NKAIN2: variants seen among roughly 807,000 people sequenced by gnomAD.
The protein encoded by NKAIN2 is sodium/potassium-transporting ATPase subunit beta-1-interacting protein 2.
Under a neutral mutation model 32.6 loss-of-function variants are expected in NKAIN2, and 14 were observed. The observed-to-expected ratio is 0.43, with a 90% CI of 0.28 to 0.67. The LOEUF is 0.67. NKAIN2 is among the 30% of genes least tolerant of loss of function. The probability of loss-of-function intolerance (pLI) is 0.17; values close to 1 mark genes in which losing one functional copy is unlikely to be tolerated. For synonymous variants in NKAIN2, 80 were observed against 87.2 expected, an observed-to-expected ratio of 0.92 and a Z score of 0.46; for missense variants, 198 against 258.3, an observed-to-expected ratio of 0.77 and a Z score of 1.60.
chr6:124,659,779 T>C (rs1273904266), intron 4 of NKAIN2, among the ~76,000 whole-genome samples: 1 of 152,016 alleles, frequency 6.6e-6, no homozygotes, highest in Non-Finnish European at 1.5e-5. Flanking sequence ...CACAGTTCAT[T>C]GTGCGGAATT....
At chr6:124,643,373 C>CT (rs1784059799) in intron 3 of NKAIN2, among the ~76,000 whole-genome samples, 2 of 152,048 alleles carry the variant, frequency 1.3e-5, no homozygotes, top group South Asian at 4.2e-4. Context: ...TTAAAATTGT[C>CT]TTTTTTCCCC....
chr6:124,416,457 A>G (rs1373959337), intron 3 of NKAIN2, among the ~76,000 whole-genome samples: 1 of 152,108 alleles, frequency 6.6e-6, no homozygotes, highest in Non-Finnish European at 1.5e-5. Flanking sequence ...GCAACATAGC[A>G]AAACCCTGTC....
chr6:124,564,499 C>G (rs986575516), intron 3 of NKAIN2, among the ~76,000 whole-genome samples: 1 of 152,126 alleles, frequency 6.6e-6, no homozygotes, highest in East Asian at 1.9e-4. Flanking sequence ...CCCCCTCCCC[C>G]ACCAGCCAGC....
At chr6:124,724,948 T>G (rs1488735754) in intron 4 of NKAIN2, among the ~76,000 whole-genome samples, 1 of 152,228 alleles carries the variant, frequency 6.6e-6, no homozygotes, top group Non-Finnish European at 1.5e-5. Flanking sequence ...TAATCACTAT[T>G]TTATCCTCTT....
intron 1 of NKAIN2, among the ~76,000 whole-genome samples, chr6:123,893,191 A>T (rs892106467): frequency 1.3e-5 from 2 of 152,036 alleles, no homozygotes; most frequent in Non-Finnish European, 2.9e-5. Flanking sequence ...AAAGGAATGT[A>T]TAATATTATA....
At chr6:123,968,978 C>A (rs1174758336) in intron 1 of NKAIN2, among the ~76,000 whole-genome samples, 2 of 152,174 alleles carry the variant, frequency 1.3e-5, no homozygotes, top group Admixed American at 6.5e-5. Context: ...CATTTCTACT[C>A]TTCTGTAGTT....
At chr6:124,324,778 A>G (rs1583050535) in intron 2 of NKAIN2, among the ~76,000 whole-genome samples, 1 of 151,982 alleles carries the variant, frequency 6.6e-6, no homozygotes, top group Non-Finnish European at 1.5e-5. Flanking sequence ...TTAAATCATG[A>G]ATTAGTGCTG....
chr6:124,787,804 T>G (rs1779571214), intron 4 of NKAIN2, among the ~76,000 whole-genome samples: 1 of 152,070 alleles, frequency 6.6e-6, no homozygotes, highest in Non-Finnish European at 1.5e-5. Flanking sequence ...CCTAATCTGG[T>G]CTTCACAGCT....
chr6:123,806,594 TTA>T (rs1201666493), intron 1 of NKAIN2, among the ~76,000 whole-genome samples: 6 of 152,216 alleles, frequency 3.9e-5, no homozygotes, highest in Admixed American at 2.6e-4. Context: ...TAAAAACTTT[TTA>T]TGTCTTTGCG....
At chr6:124,285,826 AAT>A (rs1464818626) in intron 2 of NKAIN2, among the ~76,000 whole-genome samples, 2 of 152,206 alleles carry the variant, frequency 1.3e-5, no homozygotes, top group African/African-American at 4.8e-5. Flanking sequence ...ACACATATTT[AAT>A]ATGTTTTATG....
chr6:124,567,827 C>T (rs955132026), intron 3 of NKAIN2, among the ~76,000 whole-genome samples: 2 of 152,124 alleles, frequency 1.3e-5, no homozygotes, highest in Admixed American at 6.5e-5. Context: ...TCTTTTAAAA[C>T]ACAAAAACTT....
At chr6:124,690,489 G>C (rs1774203543) in intron 4 of NKAIN2, among the ~76,000 whole-genome samples, 1 of 152,088 alleles carries the variant, frequency 6.6e-6, no homozygotes. Context: ...AAGAAGTGTT[G>C]AAAGGGGACA....
intron 4 of NKAIN2, among the ~76,000 whole-genome samples, chr6:124,686,275 T>C (rs570534437): frequency 6.6e-6 from 1 of 152,184 alleles, no homozygotes; most frequent in African/African-American, 2.4e-5. Flanking sequence ...CTCTCGCTGC[T>C]ATAAGGAAAT....
chr6:124,133,605 T>A (rs1786584452), intron 1 of NKAIN2, among the ~76,000 whole-genome samples: 1 of 151,752 alleles, frequency 6.6e-6, no homozygotes, highest in East Asian at 1.9e-4. Context: ...AGAAAAAAAA[T>A]TAAATAAATA....
intron 4 of NKAIN2, among the ~76,000 whole-genome samples, chr6:124,691,135 T>C (rs974124926): frequency 2.0e-5 from 3 of 152,210 alleles, no homozygotes; most frequent in African/African-American, 7.2e-5. Flanking sequence ...ACACTGCTTT[T>C]ATTCCAAGCA....
intron 4 of NKAIN2, among the ~76,000 whole-genome samples, chr6:124,716,811 GTTTATAGTCATCTTCATATTATATAGTTT>G: frequency 4.6e-5 from 2 of 43,502 alleles, no homozygotes; most frequent in Admixed American, 4.1e-4. Context: ...AATTTTTCTT[GTTTATAGTCATCTTCATATTATATAGTTT>G]ACTAATTTTT....
intron 3 of NKAIN2, among the ~76,000 whole-genome samples, chr6:124,642,601 T>C (rs1784032791): frequency 6.6e-6 from 1 of 152,198 alleles, no homozygotes; most frequent in Admixed American, 6.5e-5. Context: ...TAAGAGTTCA[T>C]GAAAATACGT....
intron 3 of NKAIN2, among the ~76,000 whole-genome samples, chr6:124,506,990 A>G (rs1778511699): frequency 1.3e-5 from 2 of 152,174 alleles, no homozygotes; most frequent in Admixed American, 1.3e-4. Context: ...GCTCCAAGTG[A>G]CTCATGGGAA....
chr6:124,655,831 C>T (rs554000181), intron 3 of NKAIN2, among the ~76,000 whole-genome samples: 30 of 152,290 alleles, frequency 2.0e-4, no homozygotes, highest in Middle Eastern at 3.4e-3. Context: ...TAACCAAGTT[C>T]TAAGTCTCAG....
Sources: allele counts gnomAD v4.1 joint callset (sites outside exome capture counted in the v4.1 genomes callset), GRCh38; gene constraint gnomAD v4.1.1; transcripts MANE v1.5; gene names NCBI Gene and HGNC (gene_info 2026-07-23, HGNC 2026-07-21).